MYO1F: variants seen among roughly 807,000 people sequenced by gnomAD.
The protein encoded by MYO1F is myosin IF.
MYO1F carries 60 observed loss-of-function variants against 146.6 expected under a neutral mutation model. That is an observed-to-expected ratio of 0.41 (90% CI 0.33 to 0.51). The LOEUF is 0.51. Among genes scored for constraint, MYO1F ranks in the 20% least tolerant of loss-of-function variants. MYO1F has a pLI of 0.25. For missense variants in MYO1F, 1,274 were observed against 1,534.3 expected (o/e 0.83, Z 2.83); for synonymous variants, 602 against 602.1 (o/e 1.00, Z 0.00).
chr19:8,549,809 G>GTT, intron 10 of MYO1F: 1 of 334,502 alleles, frequency 3.0e-6, no homozygotes. Flanking sequence ...CTGGCCAAAA[G>GTT]TTTTTTTTAG....
chr19:8,536,153 C>T, intron 19 of MYO1F, 99 bp downstream of exon 19: 2 of 1,419,848 alleles, frequency 1.4e-6, no homozygotes, highest in Non-Finnish European at 1.9e-6. Flanking sequence ...TTCTCTCAAT[C>T]TCTGTCTCCC....
intron 13 of MYO1F, 119 bp from the exon 14 acceptor site, chr19:8,544,583 G>C: frequency 1.0e-6 from 1 of 1,002,562 alleles, no homozygotes; most frequent in Admixed American, 2.3e-5. Flanking sequence ...CTAGAGCTTT[G>C]GGGGTGGGGA....
At chr19:8,548,002 AGG>A in intron 12 of MYO1F, 32 bp downstream of exon 12, 8 of 506,768 alleles carry the variant, frequency 1.6e-5, no homozygotes, top group Non-Finnish European at 2.6e-5. Flanking sequence ...CCCCCACCCC[AGG>A]ATCCCCCATC....
intron 15 of MYO1F, among the ~76,000 whole-genome samples, chr19:8,541,516 C>T (rs992079878): frequency 2.0e-5 from 3 of 149,910 alleles, no homozygotes; most frequent in African/African-American, 7.4e-5. Context: ...GCAACCTCTG[C>T]CTCCTGGGTT....
At chr19:8,557,886 C>T (rs756031757) in intron 1 of MYO1F, among the ~76,000 whole-genome samples, 27 of 152,114 alleles carry the variant, frequency 1.8e-4, no homozygotes, top group Non-Finnish European at 2.9e-4. Context: ...GCTGCCAGGC[C>T]CCTTCCTTCT....
intron 8 of MYO1F, 164 bp downstream of exon 8, chr19:8,551,576 T>A (rs1350163559): frequency 2.0e-6 from 2 of 999,118 alleles, no homozygotes; most frequent in African/African-American, 1.6e-5. Context: ...GGTCTTAAAC[T>A]CCTGACCTTA....
rs768738609 is a variant in MYO1F at position 8,552,137 on chromosome 19, G to A, written c.532C>T (p.Arg178Ter). ...FGKYFEIQFS[R>*]GGEPDGGKIS... Reference sequence around the variant, plus strand: ...TTGCCCCCATCTGGCTCCCCACCTCGGCTGAACTGGATCTCAAAGTACTTG... The same window carrying A: ...TTGCCCCCATCTGGCTCCCCACCTCAGCTGAACTGGATCTCAAAGTACTTG... Residue 178 changes from arginine (R) to a stop codon, truncating the protein, a stop_gained, in exon 7 of 28, where the codon CGA becomes TGA. Transcript: ENST00000644032. LOFTEE classifies it high-confidence loss of function. 1.2e-6 allele frequency: 2 copies of A among 1,614,064 alleles called. No individual in the cohort carries two copies. The highest frequency in any genetic ancestry group is 1.7e-6 in the Non-Finnish European group (2 of 1,180,008).
intron 13 of MYO1F, 128 bp from the exon 14 acceptor site, chr19:8,544,592 G>C: frequency 1.3e-5 from 11 of 829,178 alleles, no homozygotes; most frequent in African/African-American, 1.7e-5. Context: ...TGGGGGTGGG[G>C]AGGGCACCAG....
At chr19:8,567,849 T>G (rs1333730646) in intron 1 of MYO1F, among the ~76,000 whole-genome samples, 1 of 152,140 alleles carries the variant, frequency 6.6e-6, no homozygotes, top group African/African-American at 2.4e-5. Flanking sequence ...ATGGGTCATG[T>G]CTACAATTTC....
intron 1 of MYO1F, among the ~76,000 whole-genome samples, chr19:8,571,611 GT>G (rs1329511579): frequency 1.4e-4 from 20 of 142,102 alleles, no homozygotes; most frequent in African/African-American, 5.0e-4. Context: ...TATTTTTATT[GT>G]TTTGAGACGG....
At chr19:8,527,060 C>A in intron 22 of MYO1F, 125 bp from the exon 23 acceptor site, 1 of 1,308,094 alleles carries the variant, frequency 7.6e-7, no homozygotes, top group South Asian at 1.3e-5. Context: ...CAGCGGTGAC[C>A]AGGTAGGAGA....
At chr19:8,561,375 T>TCCCTCCCTTCCC (rs1555729016) in intron 1 of MYO1F, among the ~76,000 whole-genome samples, 61 of 62,126 alleles carry the variant, frequency 9.8e-4, no homozygotes, top group Admixed American at 1.5e-3. Context: ...CCTCCCTCCC[T>TCCCTCCCTTCCC]CCCTTCCCCC....
intron 27 of MYO1F, 94 bp from the exon 28 acceptor site, chr19:8,521,698 T>C: frequency 1.7e-6 from 2 of 1,177,222 alleles, no homozygotes; most frequent in Non-Finnish European, 2.5e-6. Flanking sequence ...GGACTCCCTA[T>C]GTTGTCCAGG....
chr19:8,572,103 G>T (rs1485910049), intron 1 of MYO1F, among the ~76,000 whole-genome samples: 1 of 152,136 alleles, frequency 6.6e-6, no homozygotes, highest in Non-Finnish European at 1.5e-5. Context: ...GGTGGCTACC[G>T]TCTCAAACAT....
rs2145874129 is a variant in MYO1F at position 8,541,962 on chromosome 19, C to T, written c.1554G>A (p.Glu518=). The T allele has an allele frequency of 1.2e-6, 2 of 1,613,454 alleles. No homozygotes were observed. Among genetic ancestry groups the T allele is most frequent in the South Asian group, 1.1e-5 (1 of 91,084 alleles). The change falls in exon 15 of 28, where the codon GAG becomes GAA. Residue 518 remains glutamate, a synonymous_variant. Transcript: ENST00000644032. ...KVSYDVSGFC[E]RNRDVLFSDL... is the part of the protein sequence containing the mutation. ...CGGAGAAGAGAACGTCTCGGTTCCT[C>T]TCGCAGAAGCCGCTGACGTCGTAGG...
intron 1 of MYO1F, among the ~76,000 whole-genome samples, chr19:8,575,139 T>C (rs1356127354): frequency 6.6e-6 from 1 of 150,586 alleles, no homozygotes; most frequent in Admixed American, 6.6e-5. Flanking sequence ...TGCAATGGTG[T>C]GATCTTGGCT....
intron 2 of MYO1F, 75 bp downstream of exon 2, chr19:8,555,584 C>T (rs1255011731): frequency 1.2e-5 from 19 of 1,599,640 alleles, no homozygotes; most frequent in Non-Finnish European, 1.6e-5. Flanking sequence ...TCTGCTCCTT[C>T]ACCCTCCTCT....
In MYO1F at chr19:8,550,163, C is replaced by A. The variant is rs752081548; in HGVS notation, c.1098G>T (p.Val366=). The A allele has an allele frequency of 6.2e-7, 1 of 1,613,966 alleles. No individual in the cohort carries two copies. The highest frequency in any genetic ancestry group is 2.2e-5 in the East Asian group (1 of 44,876). Residue 366 remains valine, a synonymous_variant, in exon 10 of 28, where the codon GTG becomes GTT. Transcript: ENST00000644032. The stretch of plus-strand genomic sequence containing the variant: ...TTCCAGCCCCAGCCCCACTCGCCTC[C>A]ACGAGGAAGTCGAAGAGGCGGGCAT... The part of the protein sequence containing the change: ...GLYARLFDFL[V]EAINRAMQKP...
rs761308378 is a variant in MYO1F, at chr19:8,530,242, C to T, written c.2282G>A (p.Arg761Gln). 337 of 1,614,114 alleles carry T rather than the reference C, an allele frequency of 2.1e-4. No individual in the cohort carries two copies. Among genetic ancestry groups the T allele is most frequent in the East Asian group, 1.4e-3 (63 of 44,888 alleles). The change falls in exon 21 of 28, where the codon CGG (arginine) becomes CAG (glutamine). Residue 761 changes from arginine (R) to glutamine (Q), a missense_variant. Coordinates refer to ENST00000644032, the MANE Select transcript of MYO1F (RefSeq NM_012335.4). This position sits in a 1 kb window ranked among gnomAD's most constrained non-coding sequence, Gnocchi z 5.8. ...ELRQFLGKRE[R>Q]VDFADSVTKY... is the part of the protein sequence containing the mutation. ...GGTGACCGAATCGGCGAAGTCCACC[C>T]GCTCCCTCTTGCCCAGGAACTGACG...
Sources: allele counts gnomAD v4.1 joint callset (sites outside exome capture counted in the v4.1 genomes callset), GRCh38; gene constraint gnomAD v4.1.1; non-coding constraint Gnocchi (gnomAD v3.1); transcripts MANE v1.5; gene names NCBI Gene and HGNC (gene_info 2026-07-23, HGNC 2026-07-21).